Variants in SYNJ2 observed in about 807,000 individuals in gnomAD.
The protein encoded by SYNJ2 is polyphosphatidylinositol phosphatase SYNJ2.
Under a neutral mutation model 141.3 loss-of-function variants are expected in SYNJ2, and 116 were observed. That is an observed-to-expected ratio of 0.82 (90% CI 0.71 to 0.96). The LOEUF (loss-of-function observed/expected upper bound fraction) is 0.96. Among genes scored for constraint, SYNJ2 ranks in the 40% least tolerant of loss-of-function variants. The probability of loss-of-function intolerance (pLI) is 0.00; values close to 1 mark genes in which losing one functional copy is unlikely to be tolerated. For missense variants in SYNJ2, 1,873 were observed against 1,934.8 expected, an observed-to-expected ratio of 0.97 and a Z score of 0.60; for synonymous variants, 745 against 777.7, an observed-to-expected ratio of 0.96 and a Z score of 0.70.
intron 1 of SYNJ2, among the ~76,000 whole-genome samples, chr6:157,989,988 C>T (rs971035939): frequency 9.2e-5 from 14 of 152,206 alleles, no homozygotes; most frequent in Non-Finnish European, 1.9e-4. Context: ...GAGCCAGCCT[C>T]GGAGCGTGAG....
chr6:158,026,806 G>A, intron 2 of SYNJ2: 1 of 984,962 alleles, frequency 1.0e-6, no homozygotes, highest in East Asian at 1.1e-4. Flanking sequence ...GCTGAACTGT[G>A]CTTTTCCCTG....
At chr6:158,000,801 C>CCACT (rs1210481067) in intron 1 of SYNJ2, among the ~76,000 whole-genome samples, 3 of 152,150 alleles carry the variant, frequency 2.0e-5, no homozygotes, top group Non-Finnish European at 4.4e-5. Flanking sequence ...TCTCTTGAGA[C>CCACT]CACTCTGCTG....
At chr6:157,989,074 T>C (rs1308087267) in intron 1 of SYNJ2, among the ~76,000 whole-genome samples, 1 of 152,228 alleles carries the variant, frequency 6.6e-6, no homozygotes, top group Non-Finnish European at 1.5e-5. Context: ...TCCGCTATTC[T>C]ACATGCAGAA....
At position 158,027,270 on chromosome 6, in the gene SYNJ2, G is replaced by A. The variant is rs1038421800; in HGVS notation, c.215-1486G>A. 1.3e-5 allele frequency: 12 copies of A among 907,684 alleles called. No homozygotes were observed. Among genetic ancestry groups the A allele is most frequent in the South Asian group, 5.1e-5 (1 of 19,684 alleles). The allele number at this position is 907,684 out of a possible 1,614,324, so 56.2% of individuals were successfully genotyped here. A position where few individuals can be genotyped will look rare whatever the true frequency, so the allele number is the denominator to read the frequency against. On this transcript the variant is annotated intron_variant, in intron 2 of 26. Transcript: ENST00000355585. The surrounding 1 kb of genome is among the most constrained non-coding windows in gnomAD (Gnocchi z 4.6). ...TCTCCAGACCATGGCTGTAGACAGC[G>A]GCCCTTGATCATTCACAGAAGATCT...
At chr6:158,053,074 C>CA (rs1780655694) in intron 5 of SYNJ2, among the ~76,000 whole-genome samples, 1 of 152,124 alleles carries the variant, frequency 6.6e-6, no homozygotes, top group Non-Finnish European at 1.5e-5. Flanking sequence ...TCCGTTAAGT[C>CA]GAGGGTCCCT....
chr6:158,051,097 G>A (rs994681439), intron 5 of SYNJ2, among the ~76,000 whole-genome samples: 1 of 152,178 alleles, frequency 6.6e-6, no homozygotes, highest in Non-Finnish European at 1.5e-5. Context: ...GAGGCTTTGG[G>A]TTATGACTCA....
rs1167419135 is a variant in SYNJ2, at chr6:157,982,101, CG to C, written c.127+18del. 9 of 1,314,882 alleles carry C rather than the reference CG, an allele frequency of 6.8e-6. No homozygotes were observed. Among genetic ancestry groups the C allele is most frequent in the South Asian group, 2.0e-5 (1 of 49,562 alleles). The allele number at this position is 1,314,882 out of a possible 1,614,324, so 81.5% of individuals were successfully genotyped here. On this transcript the variant is annotated intron_variant, in intron 1 of 26. Transcript: ENST00000355585. The surrounding 1 kb of genome is among the most constrained non-coding windows in gnomAD (Gnocchi z 4.0). Reference sequence around the variant, plus strand: ...GTGGCCACGCTGGGTGAGTCCGGGCCGGGGGCAGCGACGCCCGGAGGAGAGG... The same window carrying C: ...GTGGCCACGCTGGGTGAGTCCGGGCCGGGGCAGCGACGCCCGGAGGAGAGG...
intron 2 of SYNJ2, among the ~76,000 whole-genome samples, chr6:158,026,607 C>G (rs1479702276): frequency 2.6e-5 from 4 of 152,236 alleles, no homozygotes; most frequent in African/African-American, 4.8e-5. Context: ...CCAGCCTCCC[C>G]CAGGCCGTGG....
Position 158,093,450 on chromosome 6 carries a change from C to CA in SYNJ2, c.3744+359dup, listed in dbSNP as rs397886739. ...GACTCCACCTCAAAAAAAAAAAAAA[C>CA]AAAAAAAAAAAAACAGATTTGCGTC... On this transcript the variant is annotated intron_variant, in intron 26 of 26. Transcript: ENST00000355585. Among the ~76,000 whole-genome samples, 510 of 87,994 alleles carry CA rather than the reference C, an allele frequency of 5.8e-3. 1 individual carries two copies. The highest frequency in any genetic ancestry group is 0.02 in the East Asian group (55 of 2,760). 57.7% of individuals were successfully genotyped at this position (87,994 alleles called of 152,430 possible).
chr6:158,043,327 G>T lies in SYNJ2; in HGVS notation c.723G>T (p.Met241Ile), dbSNP rs758908812. The T allele has an allele frequency of 1.2e-6, 2 of 1,614,050 alleles. No homozygotes were observed. Among genetic ancestry groups the T allele is most frequent in the South Asian group, 2.2e-5 (2 of 91,072 alleles). ...NFVETEQMIYMDDGVSSFVQI... is the reference protein window; with the variant it reads ...NFVETEQMIYIDDGVSSFVQI... ...TCCTTGTGCCGCAGATGATTTACAT[G>T]GACGATGGAGTGTCATCTTTTGTCC... is the stretch of plus-strand genomic sequence containing the variant. The change falls in exon 5 of 27, where the codon ATG becomes ATT. Residue 241 changes from methionine to isoleucine, a missense_variant. By Grantham distance (10) the Met-to-Ile change is conservative. Coordinates refer to ENST00000355585, the MANE Select transcript of SYNJ2 (RefSeq NM_003898.4). The surrounding 1 kb of genome is among the most constrained non-coding windows in gnomAD (Gnocchi z 4.0).
In SYNJ2 at chr6:158,086,967, C is replaced by A; in HGVS notation, c.3321C>A (p.Pro1107=). Residue 1107 remains proline (P), a synonymous_variant, in exon 23 of 27, where the codon CCC becomes CCA. Coordinates refer to ENST00000355585, the MANE Select transcript of SYNJ2 (RefSeq NM_003898.4). ...CCAACCGGCCTCGGCCACCTCAACC[C>A]CCGCAGAGACCCCCCCCTCCAAGTA... The part of the protein sequence containing the change: ...SVPNRPRPPQ[P]PQRPPPPTGL... The A allele has an allele frequency of 1.0e-6, 1 of 970,722 alleles. No homozygotes were observed. Among genetic ancestry groups the A allele is most frequent in the Non-Finnish European group, 1.5e-6 (1 of 654,994 alleles). 60.1% of individuals were successfully genotyped at this position (970,722 alleles called of 1,614,324 possible). A position where few individuals can be genotyped will look rare whatever the true frequency, so the allele number is the denominator to read the frequency against.
At chr6:158,026,923 C>A (rs1174836361) in intron 2 of SYNJ2, 10 of 985,308 alleles carry the variant, frequency 1.0e-5, no homozygotes, top group African/African-American at 3.5e-5. Flanking sequence ...AGAAGCTGAA[C>A]TCTGACCCCT....
chr6:158,003,899 G>A (rs1166938855), intron 1 of SYNJ2, among the ~76,000 whole-genome samples: 1 of 152,214 alleles, frequency 6.6e-6, no homozygotes, highest in Non-Finnish European at 1.5e-5. Context: ...AGTGGTGGCT[G>A]TTTCTCTTCC....
intron 1 of SYNJ2, among the ~76,000 whole-genome samples, chr6:158,014,803 C>T (rs1400405794): frequency 6.6e-6 from 1 of 152,232 alleles, no homozygotes; most frequent in Admixed American, 6.5e-5. Context: ...CAGGAGCAGC[C>T]AGTCCATGCT....
At chr6:158,081,574 GTCT>G (rs1782684103) in intron 20 of SYNJ2, 64 bp downstream of exon 20, 1 of 844,232 alleles carries the variant, frequency 1.2e-6, no homozygotes, top group Non-Finnish European at 1.9e-6. Context: ...ATGTGGGCAT[GTCT>G]TCTTCCTCCT....
rs527368793 is a variant in SYNJ2, at chr6:158,043,245, C to T, written c.712-71C>T. On this transcript the variant is annotated intron_variant, in intron 4 of 26. Transcript: ENST00000355585. The surrounding 1 kb of genome is among the most constrained non-coding windows in gnomAD (Gnocchi z 4.0). Reference sequence around the variant, plus strand: ...GGTGTCGGGTCACAGGTGGCCGGATCCCGTTACCCAGCCCAGGACGTTCGG... The same window carrying T: ...GGTGTCGGGTCACAGGTGGCCGGATTCCGTTACCCAGCCCAGGACGTTCGG... The T allele has an allele frequency of 7.2e-7, 1 of 1,393,292 alleles. No homozygotes were observed. The highest frequency in any genetic ancestry group is 2.3e-5 in the East Asian group (1 of 43,314). 86.3% of individuals were successfully genotyped at this position (1,393,292 alleles called of 1,614,324 possible).
rs375505461 is a variant in SYNJ2, at chr6:158,038,368, T to C, written c.711+4688T>C. Among the ~76,000 whole-genome samples the C allele has an allele frequency of 2.2e-4, 33 of 152,322 alleles. No homozygotes were observed. In the South Asian group the frequency reaches 5.4e-3, roughly 25 times the overall value. On this transcript the variant is annotated intron_variant, in intron 4 of 26. Coordinates refer to ENST00000355585, the MANE Select transcript of SYNJ2 (RefSeq NM_003898.4). ...CCACCACCTGCCGCTCACCCACAGA[T>C]GCAGCCGCTGCGGATGCTGCCCCCG...
chr6:158,063,659 CAA>C (rs71298907), intron 8 of SYNJ2, 130 bp from the exon 9 acceptor site: 5,731 of 186,408 alleles, frequency 0.031, no homozygotes, highest in South Asian at 0.037. Flanking sequence ...GACTCTGTCT[CAA>C]AAAAAAAAAA....
chr6:158,066,502 G>A lies in SYNJ2; in HGVS notation c.1584G>A (p.Lys528=). 4 of 1,614,184 alleles carry A rather than the reference G, an allele frequency of 2.5e-6. No individual in the cohort carries two copies. Among genetic ancestry groups the A allele is most frequent in the Non-Finnish European group, 3.4e-6 (4 of 1,180,038 alleles). Residue 528 remains lysine (K), a synonymous_variant, in exon 12 of 27, where the codon AAG becomes AAA. Coordinates refer to ENST00000355585, the MANE Select transcript of SYNJ2 (RefSeq NM_003898.4). ...GTCAGTCCGAATTCACAAATTTCAA[G>A]CGGATCCGGATTGCTATGGGGACCT... is the stretch of plus-strand genomic sequence containing the variant. ...TERQSEFTNF[K]RIRIAMGTWN... is the part of the protein sequence containing the mutation.
Sources: gnomAD v4.1 joint callset for allele counts (sites outside exome capture counted in the v4.1 genomes callset) on GRCh38, gnomAD v4.1.1 for gene constraint, Gnocchi (gnomAD v3.1) non-coding constraint, MANE v1.5 for transcripts, NCBI Gene and HGNC (gene_info 2026-07-23, HGNC 2026-07-21) for gene names.